TFDP2: variants seen among roughly 807,000 people sequenced by gnomAD.
The protein encoded by TFDP2 is transcription factor Dp-2 (E2F dimerization partner 2).
In TFDP2, 17 loss-of-function variants were observed where a neutral mutation model predicts 59.3. The observed-to-expected ratio is 0.29, with a 90% CI of 0.20 to 0.43. The LOEUF (loss-of-function observed/expected upper bound fraction) is 0.43, where lower values mean the gene tolerates loss of function less well. TFDP2 is among the 20% of genes least tolerant of loss of function. The pLI is 1.00. For synonymous variants in TFDP2, 180 were observed against 194.7 expected, an observed-to-expected ratio of 0.92 and a Z score of 0.63; for missense variants, 391 against 528.8, an observed-to-expected ratio of 0.74 and a Z score of 2.56.
At chr3:142,091,267 A>G (rs1421046905) in intron 3 of TFDP2, among the ~76,000 whole-genome samples, 2 of 152,170 alleles carry the variant, frequency 1.3e-5, no homozygotes, top group African/African-American at 4.8e-5. Context: ...GGCTTAAAGT[A>G]TCTCTTAAAT....
At chr3:141,966,824 T>C (rs1174183281) in intron 9 of TFDP2, among the ~76,000 whole-genome samples, 1 of 149,648 alleles carries the variant, frequency 6.7e-6, no homozygotes, top group Admixed American at 6.8e-5. Context: ...AAGGAGGTAA[T>C]AGTTACCTGT....
intron 1 of TFDP2, among the ~76,000 whole-genome samples, chr3:142,134,934 C>T (rs1160224249): frequency 6.6e-6 from 1 of 152,066 alleles, no homozygotes; most frequent in Non-Finnish European, 1.5e-5. Context: ...AACACAGTAA[C>T]TTTTCTGGCT....
intron 3 of TFDP2, among the ~76,000 whole-genome samples, chr3:142,053,635 G>A (rs1226634336): frequency 6.6e-6 from 1 of 152,144 alleles, no homozygotes; most frequent in Non-Finnish European, 1.5e-5. Context: ...TTAAGACTGA[G>A]AAAGTAGAAC....
chr3:142,109,117 G>A (rs931042152), intron 1 of TFDP2, among the ~76,000 whole-genome samples: 1 of 152,178 alleles, frequency 6.6e-6, no homozygotes, highest in Non-Finnish European at 1.5e-5. Flanking sequence ...CTTGAGCACA[G>A]GAACCCTGTG....
At chr3:141,968,423 C>CACATATATA (rs1243209182) in intron 9 of TFDP2, among the ~76,000 whole-genome samples, 1 of 87,946 alleles carries the variant, frequency 1.1e-5, no homozygotes, top group African/African-American at 5.6e-5. Flanking sequence ...ACATATATAT[C>CACATATATA]TCATATATAG....
chr3:142,090,245 A>G (rs189976675), intron 3 of TFDP2, among the ~76,000 whole-genome samples: 1 of 152,278 alleles, frequency 6.6e-6, no homozygotes, highest in African/African-American at 2.4e-5. Context: ...CCAGGAGTTC[A>G]AAACCACCCT....
intron 4 of TFDP2, among the ~76,000 whole-genome samples, chr3:142,005,186 T>G (rs1347433250): frequency 6.6e-6 from 1 of 152,200 alleles, no homozygotes; most frequent in Admixed American, 6.5e-5. Context: ...TAGCTGGGAC[T>G]TCAGGCATGC....
intron 3 of TFDP2, among the ~76,000 whole-genome samples, chr3:142,068,406 TG>T (rs1176279462): frequency 2.6e-5 from 4 of 152,194 alleles, no homozygotes; most frequent in Non-Finnish European, 5.9e-5. Context: ...GCATGATCCA[TG>T]AAAGAAAAAT....
At chr3:142,039,034 C>T (rs1312966754) in intron 3 of TFDP2, among the ~76,000 whole-genome samples, 1 of 152,112 alleles carries the variant, frequency 6.6e-6, no homozygotes, top group African/African-American at 2.4e-5. Context: ...CGCAAATTAT[C>T]CTCCAGAGAG....
chr3:142,112,294 A>G (rs2061692011), intron 1 of TFDP2, among the ~76,000 whole-genome samples: 1 of 152,176 alleles, frequency 6.6e-6, no homozygotes, highest in Non-Finnish European at 1.5e-5. Context: ...TTCACTATCT[A>G]TTTATCTAGC....
intron 8 of TFDP2, among the ~76,000 whole-genome samples, chr3:141,973,123 A>ATATATATTTTTTTTTT: frequency 1.0e-4 from 6 of 58,024 alleles, no homozygotes; most frequent in East Asian, 6.9e-4. Context: ...ATATATATAT[A>ATATATATTTTTTTTTT]TTTTTTTTTT....
At chr3:142,062,365 G>A (rs2059944437) in intron 3 of TFDP2, among the ~76,000 whole-genome samples, 1 of 143,992 alleles carries the variant, frequency 6.9e-6, no homozygotes, top group African/African-American at 2.6e-5. Flanking sequence ...AGGGTCAGCT[G>A]TATATATACA....
rs1368559359 is a variant in TFDP2, at chr3:142,115,337, GAGAC to G, written c.-92-13500_-92-13497del. Among the ~76,000 whole-genome samples the G allele has an allele frequency of 3.4e-5, 4 of 117,040 alleles. No individual in the cohort carries two copies. In the East Asian group the frequency reaches 1.0e-3, roughly 30 times the overall value. The allele number at this position is 117,040 out of a possible 152,430, so 76.8% of individuals were successfully genotyped here. A position where few individuals can be genotyped will look rare whatever the true frequency, so the allele number is the denominator to read the frequency against. Reference sequence around the variant, plus strand: ...TTTCTTTTTTTTTTTTTTTTTTTCTGAGACAGAGTCCCGCTCTCTCGCTCAGGCT... The same window carrying G: ...TTTCTTTTTTTTTTTTTTTTTTTCTGAGAGTCCCGCTCTCTCGCTCAGGCT... On this transcript the variant is annotated intron_variant, in intron 1 of 12. Coordinates refer to ENST00000489671, the MANE Select transcript of TFDP2 (RefSeq NM_001178139.2).
At chr3:142,027,875 C>T (rs1489284113) in intron 3 of TFDP2, among the ~76,000 whole-genome samples, 2 of 151,996 alleles carry the variant, frequency 1.3e-5, no homozygotes, top group African/African-American at 2.4e-5. Context: ...CAGTCACTAC[C>T]CCAAGAGGCA....
At chr3:142,143,447 C>A (rs2063036480) in intron 1 of TFDP2, among the ~76,000 whole-genome samples, 1 of 152,066 alleles carries the variant, frequency 6.6e-6, no homozygotes, top group Non-Finnish European at 1.5e-5. Flanking sequence ...AGGATACAAT[C>A]AACAAAGTGA....
intron 3 of TFDP2, among the ~76,000 whole-genome samples, chr3:142,019,053 A>ATTTTTTTT (rs62999460): frequency 7.1e-6 from 1 of 140,314 alleles, no homozygotes; most frequent in Non-Finnish European, 1.6e-5. Flanking sequence ...TTCTTCGCAC[A>ATTTTTTTT]TTTTTTTTTT....
chr3:142,118,044 G>A (rs1050372679), intron 1 of TFDP2, among the ~76,000 whole-genome samples: 2 of 152,184 alleles, frequency 1.3e-5, no homozygotes, highest in South Asian at 2.1e-4. Flanking sequence ...GTTGCAGTGA[G>A]GTGAGATCGC....
intron 4 of TFDP2, among the ~76,000 whole-genome samples, chr3:141,997,665 T>C (rs966099720): frequency 2.6e-5 from 4 of 151,300 alleles, no homozygotes; most frequent in African/African-American, 9.7e-5. Flanking sequence ...GCCTGGCCAA[T>C]ATGGTGAAAC....
At chr3:142,011,275 T>A in intron 3 of TFDP2, among the ~76,000 whole-genome samples, 1 of 85,574 alleles carries the variant, frequency 1.2e-5, no homozygotes. Flanking sequence ...AAATGATGAG[T>A]TCATGTCCTT....
Sources: gnomAD v4.1 joint callset for allele counts (sites outside exome capture counted in the v4.1 genomes callset) on GRCh38, gnomAD v4.1.1 for gene constraint, MANE v1.5 for transcripts, NCBI Gene and HGNC (gene_info 2026-07-23, HGNC 2026-07-21) for gene names.